RSPH1: variants seen among roughly 807,000 people sequenced by gnomAD.
The protein encoded by RSPH1 is radial spoke head 1 homolog.
A neutral mutation model predicts 44.2 loss-of-function variants in RSPH1; 32 were observed. The observed-to-expected ratio is 0.72, with a 90% CI of 0.55 to 0.97. The LOEUF (loss-of-function observed/expected upper bound fraction) is 0.97, where lower values mean the gene tolerates loss of function less well. Among genes scored for constraint, RSPH1 ranks in the 50% least tolerant of loss-of-function variants. The pLI is 0.00. For missense variants in RSPH1, 391 were observed against 398.7 expected (o/e 0.98, Z 0.16); for synonymous variants, 134 against 147.3 (o/e 0.91, Z 0.65).
At chr21:42,492,167 A>G (rs1601636937) in intron 3 of RSPH1, among the ~76,000 whole-genome samples, 1 of 152,238 alleles carries the variant, frequency 6.6e-6, no homozygotes, top group East Asian at 1.9e-4. Context: ...TTGGGATATC[A>G]CTAATGTGGT....
At chr21:42,480,155 G>A (rs902311528) in intron 6 of RSPH1, among the ~76,000 whole-genome samples, 5 of 152,116 alleles carry the variant, frequency 3.3e-5, no homozygotes, top group East Asian at 1.9e-4. Context: ...TCACAGGAGC[G>A]GGAATCAGGA....
At chr21:42,476,099 G>C (rs759086150) in intron 7 of RSPH1, 52 bp from the exon 8 acceptor site, 1 of 1,595,806 alleles carries the variant, frequency 6.3e-7, no homozygotes, top group African/African-American at 1.3e-5. Flanking sequence ...AATGGAGCCT[G>C]CAGACCTGTG....
intron 6 of RSPH1, among the ~76,000 whole-genome samples, chr21:42,477,897 T>C (rs1458712766): frequency 1.3e-5 from 2 of 152,126 alleles, no homozygotes; most frequent in African/African-American, 2.4e-5. Context: ...AACATAATTA[T>C]TTATATTATT....
intron 6 of RSPH1, among the ~76,000 whole-genome samples, chr21:42,480,076 A>G (rs898945642): frequency 6.6e-6 from 1 of 152,250 alleles, no homozygotes; most frequent in Non-Finnish European, 1.5e-5. Flanking sequence ...AAGGTGGACC[A>G]TGAGCAACCA....
intron 5 of RSPH1, 82 bp from the exon 6 acceptor site, chr21:42,482,790 C>T: frequency 1.1e-6 from 1 of 935,552 alleles, no homozygotes; most frequent in Non-Finnish European, 1.7e-6. Context: ...ACAATACCCA[C>T]CTCAAATCAC....
At chr21:42,485,838 C>G (rs1170393147) in intron 4 of RSPH1, 34 bp from the exon 5 acceptor site, 1 of 1,612,822 alleles carries the variant, frequency 6.2e-7, no homozygotes, top group African/African-American at 1.3e-5. Flanking sequence ...GTATTTCGTT[C>G]CAGCACAGTG....
intron 3 of RSPH1, among the ~76,000 whole-genome samples, chr21:42,490,240 T>C (rs972429884): frequency 6.6e-6 from 1 of 152,118 alleles, no homozygotes; most frequent in African/African-American, 2.4e-5. Flanking sequence ...CTCTGCTGGC[T>C]CCTGGACTCC....
chr21:42,472,770 A>G lies in RSPH1; in HGVS notation c.*48T>C, dbSNP rs2146636453. On this transcript the variant is annotated 3_prime_UTR_variant, in exon 9 of 9. Coordinates refer to ENST00000291536, the MANE Select transcript of RSPH1 (RefSeq NM_080860.4). ...ATACACACAGCACTGCACCCGGCTA[A>G]CGACAGAAGCATTCTTATGATACGA... is the stretch of plus-strand genomic sequence containing the variant. 2 of 1,452,518 alleles carry G rather than the reference A, an allele frequency of 1.4e-6. No homozygotes were observed. The highest frequency in any genetic ancestry group is 1.9e-6 in the Non-Finnish European group (2 of 1,037,824). The allele number at this position is 1,452,518 out of a possible 1,614,324, so 90.0% of individuals were successfully genotyped here. A position where few individuals can be genotyped will look rare whatever the true frequency, so the allele number is the denominator to read the frequency against.
Position 42,475,919 on chromosome 21 carries a change from A to G in RSPH1, c.856T>C (p.Phe286Leu), listed in dbSNP as rs1568957499. The part of the protein sequence containing the change: ...EESREYDQEE[F>L]RYDMDEGNIN... ...TCACCCTCATCCATGTCATAGCGGA[A>G]CTCCTCCTGGTCATACTCCCGGCTC... Residue 286 changes from phenylalanine (F) to leucine (L), a missense_variant, in exon 8 of 9, where the codon TTC becomes CTC. By Grantham distance (22) the Phe-to-Leu change is conservative. Transcript: ENST00000291536. 1 of 1,607,900 alleles carries G rather than the reference A, an allele frequency of 6.2e-7. No homozygotes were observed.
At position 42,485,780 on chromosome 21, in the gene RSPH1, G is replaced by A. The variant is rs529633380; in HGVS notation, c.390C>T (p.Tyr130=). ...CAACATACTTACTGCCCGTCTCCGC[G>A]TATAAATAGGTGCCTTGCCCATGCC... The part of the protein sequence containing the change: ...HQRHGQGTYL[Y]AETGSKYVGT... The change falls in exon 5 of 9, where the codon TAC becomes TAT. Residue 130 remains tyrosine (Y), a synonymous_variant. Coordinates refer to ENST00000291536, the MANE Select transcript of RSPH1 (RefSeq NM_080860.4). 51 of 1,614,070 alleles carry A rather than the reference G, an allele frequency of 3.2e-5. No individual in the cohort carries two copies. The highest frequency in any genetic ancestry group is 1.5e-4 in the African/African-American group (11 of 74,922).
At chr21:42,488,596 A>T (rs1489744573) in intron 3 of RSPH1, among the ~76,000 whole-genome samples, 1 of 152,176 alleles carries the variant, frequency 6.6e-6, no homozygotes, top group Admixed American at 6.5e-5. Flanking sequence ...TTGCAGAAAA[A>T]TTTCAAAAAT....
intron 6 of RSPH1, among the ~76,000 whole-genome samples, chr21:42,480,640 CAAAAA>C (rs780506820): frequency 4.1e-4 from 16 of 38,742 alleles, no homozygotes; most frequent in African/African-American, 1.5e-3. Flanking sequence ...AACTCCATCT[CAAAAA>C]AAAAAAAAAA....
intron 7 of RSPH1, among the ~76,000 whole-genome samples, chr21:42,476,927 A>T (rs921147163): frequency 6.6e-6 from 1 of 152,112 alleles, no homozygotes; most frequent in South Asian, 2.1e-4. Flanking sequence ...CAGGATGTCC[A>T]CAACTCCCAC....
At chr21:42,477,028 T>TCCAC (rs60439621) in intron 7 of RSPH1, among the ~76,000 whole-genome samples, 460 of 17,352 alleles carry the variant, frequency 0.027, 55 homozygotes, top group Admixed American at 0.043. Flanking sequence ...ACACCCTCTG[T>TCCAC]CCCACAGCCC....
At chr21:42,480,855 G>T (rs1312895495) in intron 6 of RSPH1, among the ~76,000 whole-genome samples, 1 of 152,176 alleles carries the variant, frequency 6.6e-6, no homozygotes, top group African/African-American at 2.4e-5. Flanking sequence ...GCTCCCCACA[G>T]TGTGGCTTCT....
intron 6 of RSPH1, 49 bp from the exon 7 acceptor site, chr21:42,477,493 G>A (rs746764474): frequency 1.9e-6 from 3 of 1,591,482 alleles, no homozygotes; most frequent in South Asian, 1.1e-5. Flanking sequence ...TGTCATCTTG[G>A]TCTGGAATAT....
intron 7 of RSPH1, 26 bp from the exon 8 acceptor site, chr21:42,476,073 C>T: frequency 1.2e-6 from 2 of 1,613,020 alleles, no homozygotes; most frequent in African/African-American, 1.3e-5. Flanking sequence ...AGTCAGAAGC[C>T]TGAGTTCCTG....
intron 1 of RSPH1, 98 bp from the exon 2 acceptor site, chr21:42,493,177 TA>T: frequency 1.0e-6 from 1 of 977,050 alleles, no homozygotes; most frequent in Admixed American, 2.0e-5. Flanking sequence ...GTCATCCCAC[TA>T]TGCTAAACCC....
chr21:42,492,373 C>A (rs556005237), intron 3 of RSPH1, among the ~76,000 whole-genome samples: 2 of 152,228 alleles, frequency 1.3e-5, no homozygotes, highest in Non-Finnish European at 2.9e-5. Flanking sequence ...ATAACACATC[C>A]GTCAGATGGC....
Sources: allele counts gnomAD v4.1 joint callset (sites outside exome capture counted in the v4.1 genomes callset), GRCh38; gene constraint gnomAD v4.1.1; transcripts MANE v1.5; gene names NCBI Gene and HGNC (gene_info 2026-07-23, HGNC 2026-07-21).